ZGPAT: variants seen among roughly 807,000 people sequenced by gnomAD.
The protein encoded by ZGPAT is zinc finger CCCH-type with G patch domain-containing protein.
A neutral mutation model predicts 47.9 loss-of-function variants in ZGPAT; 39 were observed. The observed-to-expected ratio is 0.81, with a 90% CI of 0.63 to 1.06. The LOEUF is 1.06. ZGPAT is among the 50% of genes least tolerant of loss of function. The pLI is 0.00. For missense variants in ZGPAT, 717 were observed against 681.4 expected, an observed-to-expected ratio of 1.05 and a Z score of -0.58; for synonymous variants, 348 against 292.9, an observed-to-expected ratio of 1.19 and a Z score of -1.92.
At chr20:63,708,317 C>G (rs1166315096) in intron 1 of ZGPAT, 199 bp downstream of exon 1, 2 of 259,942 alleles carry the variant, frequency 7.7e-6, no homozygotes, top group Admixed American at 5.5e-5. Context: ...CGGGGCGCCC[C>G]GCGGGGAAGG....
chr20:63,735,127 G>A (rs1303670995), intron 5 of ZGPAT, 32 bp from the exon 6 acceptor site: 1 of 1,490,004 alleles, frequency 6.7e-7, no homozygotes, highest in Non-Finnish European at 8.9e-7. Context: ...GGGTCCCGCA[G>A]CCACAGCACT....
intron 2 of ZGPAT, among the ~76,000 whole-genome samples, chr20:63,715,128 C>G (rs2091713341): frequency 6.6e-6 from 1 of 151,716 alleles, no homozygotes; most frequent in Admixed American, 6.6e-5. Flanking sequence ...GATGAGATTT[C>G]ACTCTGTTGC....
In ZGPAT at chr20:63,728,506, CTCTT is replaced by C. The variant is rs533583298; in HGVS notation, c.585-4711_585-4708del. On this transcript the variant is annotated intron_variant, in intron 2 of 6. Coordinates refer to ENST00000355969, the MANE Select transcript of ZGPAT (RefSeq NM_181485.3). ...CGTTGTGAGTTCAGCCAGCCCCTCT[CTCTT>C]TGCTTTCACTTCACCCTGGCCTCTC... Among the ~76,000 whole-genome samples the C allele has an allele frequency of 6.4e-4, 98 of 152,352 alleles. 1 individual carries two copies. In the South Asian group the frequency reaches 7.0e-3, roughly 11 times the overall value.
At chr20:63,711,476 C>T (rs532737477) in intron 2 of ZGPAT, among the ~76,000 whole-genome samples, 12 of 152,340 alleles carry the variant, frequency 7.9e-5, no homozygotes, top group East Asian at 3.9e-4. Context: ...GTTCCGTCCC[C>T]TGCTCCACCC....
intron 2 of ZGPAT, among the ~76,000 whole-genome samples, chr20:63,721,087 C>CA (rs1234030939): frequency 6.6e-6 from 1 of 152,120 alleles, no homozygotes; most frequent in African/African-American, 2.4e-5. Flanking sequence ...CGCAGTGGCT[C>CA]ACGCCTGTAA....
chr20:63,713,904 T>G (rs2091698408), intron 2 of ZGPAT, among the ~76,000 whole-genome samples: 3 of 151,868 alleles, frequency 2.0e-5, no homozygotes, highest in Non-Finnish European at 2.9e-5. Flanking sequence ...AGTGGATTTT[T>G]TTATGTTAAT....
intron 4 of ZGPAT, chr20:63,734,139 C>T: frequency 3.6e-6 from 1 of 278,550 alleles, no homozygotes; most frequent in South Asian, 4.5e-5. Context: ...GTCCAGACAG[C>T]CAGCATGGAA....
At chr20:63,734,881 A>AGCAGCCATCAGGTTCCCGGGGTCCC in intron 5 of ZGPAT, 57 bp downstream of exon 5, 6 of 1,510,402 alleles carry the variant, frequency 4.0e-6, no homozygotes, top group Non-Finnish European at 5.3e-6. Context: ...GCCCAGGTCC[A>AGCAGCCATCAGGTTCCCGGGGTCCC]GCAGCCATCA....
intron 2 of ZGPAT, among the ~76,000 whole-genome samples, chr20:63,712,720 AC>A (rs1230871738): frequency 1.3e-5 from 2 of 151,970 alleles, no homozygotes. Context: ...ACGTGGTGAA[AC>A]CCCGTCTCTA....
chr20:63,707,989 G>A (rs539536642), upstream of ZGPAT: 14 of 152,228 alleles, frequency 9.2e-5, no homozygotes, highest in Admixed American at 7.2e-4. Flanking sequence ...GCTGAACCGC[G>A]TCCCAGCGGC....
chr20:63,734,369 A>C (rs557363151), intron 4 of ZGPAT: 2 of 395,992 alleles, frequency 5.1e-6, no homozygotes, highest in South Asian at 8.8e-5. Flanking sequence ...GGACTCTGTG[A>C]GGGCAGGTGA....
rs778039558 is a variant in ZGPAT at position 63,720,749 on chromosome 20, C to T, written c.584+11585C>T. 3.3e-5 allele frequency among the ~76,000 whole-genome samples: 5 copies of T among 152,300 alleles called. No homozygotes were observed. The South Asian group carries it at 1.0e-3, about 32-fold the overall frequency. ...GATTACAGGTGTGAGCCACCGCACC[C>T]GGCCTGTTAATTTCTTTATTTCCGG... is the stretch of plus-strand genomic sequence containing the variant. On this transcript the variant is annotated intron_variant, in intron 2 of 6. Transcript: ENST00000355969.
intron 2 of ZGPAT, among the ~76,000 whole-genome samples, chr20:63,721,992 G>A (rs2091792860): frequency 6.9e-6 from 1 of 144,200 alleles, no homozygotes; most frequent in South Asian, 2.2e-4. Context: ...CAGCCTGGGC[G>A]ACAGAGTGAG....
intron 6 of ZGPAT, 38 bp from the exon 7 acceptor site, chr20:63,735,743 G>A (rs1488050514): frequency 6.4e-7 from 1 of 1,564,478 alleles, no homozygotes; most frequent in South Asian, 1.2e-5. Context: ...TGGTGGCATG[G>A]CCCAGGACCC....
intron 6 of ZGPAT, 33 bp downstream of exon 6, chr20:63,735,597 G>A (rs369827290): frequency 2.1e-5 from 31 of 1,507,588 alleles, no homozygotes; most frequent in African/African-American, 7.0e-5. Context: ...GGCAAAGGGC[G>A]ACCCAGGGTG....
At chr20:63,729,389 GT>G (rs1261248621) in intron 2 of ZGPAT, among the ~76,000 whole-genome samples, 1 of 152,172 alleles carries the variant, frequency 6.6e-6, no homozygotes, top group Non-Finnish European at 1.5e-5. Flanking sequence ...GCTTCTTTTA[GT>G]TTTAGATGTT....
At position 63,708,647 on chromosome 20, in the gene ZGPAT, G is replaced by A; in HGVS notation, c.67G>A (p.Ala23Thr). 1.2e-6 allele frequency: 2 copies of A among 1,612,462 alleles called. No individual in the cohort carries two copies. Among genetic ancestry groups the A allele is most frequent in the Non-Finnish European group, 1.7e-6 (2 of 1,179,738 alleles). The change falls in exon 2 of 7, where the codon GCC becomes ACC. Residue 23 changes from alanine to threonine, a missense_variant. Ala to Thr is a moderately conservative substitution (Grantham distance 58). Transcript: ENST00000355969. ...YRAQLQQVEL[A>T]LGAGLDSSEQ... ...TGCGCAGCTGCAGCAGGTGGAGCTG[G>A]CCTTGGGCGCCGGCCTGGATTCGTC...
Position 63,735,030 on chromosome 20 carries a change from G to A in ZGPAT, c.992-129G>A, listed in dbSNP as rs985226609. 4.5e-6 allele frequency: 6 copies of A among 1,345,660 alleles called. No individual in the cohort carries two copies. The African/African-American group carries it at 7.7e-5, about 17-fold the overall frequency. 83.4% of individuals were successfully genotyped at this position (1,345,660 alleles called of 1,614,324 possible). A position where few individuals can be genotyped will look rare whatever the true frequency, so the allele number is the denominator to read the frequency against. Reference sequence around the variant, plus strand: ...GCTCCTCAGATTCCCAGGGTCCTACGGCCACAGCACTGCCATCTCCGTGCT... The same window carrying A: ...GCTCCTCAGATTCCCAGGGTCCTACAGCCACAGCACTGCCATCTCCGTGCT... On this transcript the variant is annotated intron_variant, in intron 5 of 6. Coordinates refer to ENST00000355969, the MANE Select transcript of ZGPAT (RefSeq NM_181485.3).
intron 6 of ZGPAT, 96 bp from the exon 7 acceptor site, chr20:63,735,685 G>A: frequency 6.5e-7 from 1 of 1,529,490 alleles, no homozygotes; most frequent in African/African-American, 1.4e-5. Context: ...TCTGCATGTT[G>A]GAGGACGGGC....
Sources: allele counts gnomAD v4.1 joint callset (sites outside exome capture counted in the v4.1 genomes callset), GRCh38; gene constraint gnomAD v4.1.1; transcripts MANE v1.5; gene names NCBI Gene and HGNC (gene_info 2026-07-23, HGNC 2026-07-21).